The following RHBG variants were observed in gnomAD, a reference collection of about 807,000 sequenced individuals.
RHBG encodes Rh family B glycoprotein.
Under a neutral mutation model 40.1 loss-of-function variants are expected in RHBG, and 39 were observed. The observed-to-expected ratio is 0.97, with a 90% CI of 0.75 to 1.27. The LOEUF is 1.27. Among genes scored for constraint, RHBG ranks in the 50% most tolerant of loss-of-function variants. The pLI is 0.00. For missense variants in RHBG, 549 were observed against 588.1 expected (o/e 0.93, Z 0.69); for synonymous variants, 237 against 252.5 (o/e 0.94, Z 0.58).
At chr1:156,372,571 C>G (rs998619814) in intron 1 of RHBG, among the ~76,000 whole-genome samples, 3 of 152,100 alleles carry the variant, frequency 2.0e-5, no homozygotes, top group Non-Finnish European at 4.4e-5. Context: ...AGGATGTGAC[C>G]AGGACCAGAG....
chr1:156,379,401 A>C (rs1224870725), intron 4 of RHBG, among the ~76,000 whole-genome samples: 1 of 151,886 alleles, frequency 6.6e-6, no homozygotes, highest in Non-Finnish European at 1.5e-5. Flanking sequence ...TTTTTCATAG[A>C]AGGTATTGAA....
intron 8 of RHBG, 52 bp downstream of exon 8, chr1:156,382,921 G>A: frequency 1.2e-6 from 2 of 1,610,524 alleles, no homozygotes; most frequent in Non-Finnish European, 1.7e-6. Context: ...CTATAAGCCT[G>A]ACATGAATTC....
Position 156,385,132 on chromosome 1 carries a change from C to T in RHBG, c.*287C>T, listed in dbSNP as rs892589553. ...GGGTAGAAGAGGCCAAATTGAGGCACCCAAGTGATCCACTGGCCCCACGTC... is the reference window on the plus strand; with the variant it reads ...GGGTAGAAGAGGCCAAATTGAGGCATCCAAGTGATCCACTGGCCCCACGTC... On this transcript the variant is annotated 3_prime_UTR_variant, in exon 10 of 10. Coordinates refer to ENST00000537040, the MANE Select transcript of RHBG (RefSeq NM_020407.5). 2.8e-6 allele frequency: 1 copy of T among 351,666 alleles called. No individual in the cohort carries two copies. The highest frequency in any genetic ancestry group is 5.3e-6 in the Non-Finnish European group (1 of 188,316). The allele number at this position is 351,666 out of a possible 1,614,324, so 21.8% of individuals were successfully genotyped here.
rs1197840768 is a variant in RHBG, at chr1:156,377,432, G to T, written c.319G>T (p.Val107Phe). The change falls in exon 2 of 10, where the codon GTC becomes TTC. Residue 107 changes from valine to phenylalanine, a missense_variant. Around this residue, in one of 3 missense-constraint regions of RHBG, gnomAD observed 51 missense variants for 85.9 expected, o/e 0.59. Transcript: ENST00000537040. This position sits in a 1 kb window ranked among gnomAD's most constrained non-coding sequence, Gnocchi z 4.6. ...CTTTGCCCTGCAGTGGTCCACACTG[G>T]TCCAGGGCTTTCTCCACTCCTTCCA... The part of the protein sequence containing the change: ...AAFALQWSTL[V>F]QGFLHSFHGG... 6.2e-7 allele frequency: 1 copy of T among 1,613,944 alleles called. No individual in the cohort carries two copies. Among genetic ancestry groups the T allele is most frequent in the Non-Finnish European group, 8.5e-7 (1 of 1,179,938 alleles).
chr1:156,379,818 G>C (rs1257043107), intron 4 of RHBG, among the ~76,000 whole-genome samples: 1 of 152,144 alleles, frequency 6.6e-6, no homozygotes, highest in East Asian at 1.9e-4. Flanking sequence ...TACACCACAG[G>C]GTCCCCAGCC....
At chr1:156,379,031 G>A (rs1227683643) in intron 4 of RHBG, among the ~76,000 whole-genome samples, 1 of 147,426 alleles carries the variant, frequency 6.8e-6, no homozygotes, top group Non-Finnish European at 1.5e-5. Flanking sequence ...GTCTTGCTCT[G>A]TTGCCCAGGT....
chr1:156,382,550 G>A, intron 7 of RHBG, 198 bp from the exon 8 acceptor site: 1 of 728,602 alleles, frequency 1.4e-6, no homozygotes, highest in East Asian at 2.5e-5. Context: ...GCCTACAAGG[G>A]TGGGAAGGTG....
Position 156,373,771 on chromosome 1 carries a change from C to A in RHBG, c.188-3530C>A, listed in dbSNP as rs1667005158. Among the ~76,000 whole-genome samples the A allele has an allele frequency of 1.3e-5, 2 of 152,190 alleles. 1 individual carries two copies. Among genetic ancestry groups the A allele is most frequent in the South Asian group, 4.1e-4 (2 of 4,832 alleles). ...GTCAGGAGCCCTTGGACCCAACACCCTTCCTTATCTTGCTGTCCTTGAGCA... is the reference window on the plus strand; with the variant it reads ...GTCAGGAGCCCTTGGACCCAACACCATTCCTTATCTTGCTGTCCTTGAGCA... On this transcript the variant is annotated intron_variant, in intron 1 of 9. Transcript: ENST00000537040.
rs374790375 is a variant in RHBG at position 156,377,280 on chromosome 1, G to A, written c.188-21G>A. 35 of 1,609,752 alleles carry A rather than the reference G, an allele frequency of 2.2e-5. No individual in the cohort carries two copies. Among genetic ancestry groups the A allele is most frequent in the South Asian group, 8.8e-5 (8 of 90,740 alleles). On this transcript the variant is annotated intron_variant, in intron 1 of 9. Transcript: ENST00000537040. This position sits in a 1 kb window ranked among gnomAD's most constrained non-coding sequence, Gnocchi z 4.6. ...GGCTAGAGCAGCCCCCAAGTGCCCCGCCTGTCCCTGCCCGCTGCAGGCTTC... is the reference window on the plus strand; with the variant it reads ...GGCTAGAGCAGCCCCCAAGTGCCCCACCTGTCCCTGCCCGCTGCAGGCTTC...
intron 1 of RHBG, among the ~76,000 whole-genome samples, chr1:156,370,988 A>G (rs1237748299): frequency 1.3e-5 from 2 of 151,134 alleles, no homozygotes; most frequent in Non-Finnish European, 2.9e-5. Context: ...CAAGAGCACC[A>G]GATCTCCCAG....
chr1:156,369,534 C>A, intron 1 of RHBG, 98 bp downstream of exon 1: 1 of 1,301,060 alleles, frequency 7.7e-7, no homozygotes, highest in Non-Finnish European at 1.0e-6. Context: ...CCGCATTTAG[C>A]TGGGCAGCCG....
intron 4 of RHBG, among the ~76,000 whole-genome samples, chr1:156,380,778 T>C (rs746168867): frequency 2.1e-5 from 3 of 143,500 alleles, no homozygotes; most frequent in Non-Finnish European, 3.1e-5. Flanking sequence ...TTCAACAAAG[T>C]AGTTTCTTTT....
chr1:156,380,493 T>A (rs1667544461), intron 4 of RHBG, among the ~76,000 whole-genome samples: 1 of 151,686 alleles, frequency 6.6e-6, no homozygotes, highest in Admixed American at 6.6e-5. Flanking sequence ...GAGGCTGAGG[T>A]GGGCGGATCA....
At chr1:156,381,221 A>G (rs568598111) in intron 4 of RHBG, 126 bp from the exon 5 acceptor site, 2 of 998,478 alleles carry the variant, frequency 2.0e-6, no homozygotes, top group Non-Finnish European at 3.0e-6. Flanking sequence ...ATTATTATCA[A>G]TCCCACTGAA....
chr1:156,371,122 C>G, intron 1 of RHBG: 1 of 427,300 alleles, frequency 2.3e-6, no homozygotes, highest in Non-Finnish European at 4.6e-6. Flanking sequence ...GTGTGAGAGT[C>G]TCCTATTAAA....
chr1:156,377,362 G>A lies in RHBG; in HGVS notation c.249G>A (p.Gln83=), dbSNP rs1199326549. Residue 83 remains glutamine, a synonymous_variant, in exon 2 of 10, where the codon CAG becomes CAA. Coordinates refer to ENST00000537040, the MANE Select transcript of RHBG (RefSeq NM_020407.5). This position sits in a 1 kb window ranked among gnomAD's most constrained non-coding sequence, Gnocchi z 4.6. ...TTGGCTTCCTCATGGTCTTCCTGCA[G>A]CGTTACGGCTTCAGCAGCGTGGGCT... ...VGFGFLMVFL[Q]RYGFSSVGFT... is the part of the protein sequence containing the mutation. 1 of 1,614,170 alleles carries A rather than the reference G, an allele frequency of 6.2e-7. No homozygotes were observed. Among genetic ancestry groups the A allele is most frequent in the South Asian group, 1.1e-5 (1 of 91,086 alleles).
chr1:156,381,280 A>T, intron 4 of RHBG, 67 bp from the exon 5 acceptor site: 1 of 1,534,994 alleles, frequency 6.5e-7, no homozygotes, highest in Non-Finnish European at 9.0e-7. Flanking sequence ...GCCTGCAGTT[A>T]TACAACTTGT....
Position 156,381,875 on chromosome 1 carries a change from C to A in RHBG, c.910C>A (p.Pro304Thr), listed in dbSNP as rs749942908. The stretch of plus-strand genomic sequence containing the variant: ...GACCTCAAGTGAAATGATGCTGACA[C>A]CCTTTGGGGCTCTGGCAGCTGGCTT... ...VGTSSEMMLT[P>T]FGALAAGFLA... is the part of the protein sequence containing the mutation. The change falls in exon 6 of 10, where the codon CCC (proline) becomes ACC (threonine). Residue 304 changes from proline to threonine, a missense_variant. Pro to Thr is a conservative substitution (Grantham distance 38). This residue lies in a region of RHBG where 399 missense variants were observed against 417.0 expected (regional missense o/e 0.96). Coordinates refer to ENST00000537040, the MANE Select transcript of RHBG (RefSeq NM_020407.5). 4 of 1,604,002 alleles carry A rather than the reference C, an allele frequency of 2.5e-6. No individual in the cohort carries two copies. Among genetic ancestry groups the A allele is most frequent in the South Asian group, 2.2e-5 (2 of 89,924 alleles).
chr1:156,370,611 T>C, intron 1 of RHBG, among the ~76,000 whole-genome samples: 1 of 41,038 alleles, frequency 2.4e-5, no homozygotes, highest in South Asian at 9.2e-4. Context: ...TGAGACTCTG[T>C]CTCAAAAAAA....
Sources: gnomAD v4.1 joint callset for allele counts (sites outside exome capture counted in the v4.1 genomes callset) on GRCh38, gnomAD v4.1.1 for gene constraint, gnomAD v4.1.1 regional missense constraint, Gnocchi (gnomAD v3.1) non-coding constraint, MANE v1.5 for transcripts, NCBI Gene and HGNC (gene_info 2026-07-23, HGNC 2026-07-21) for gene names.